Variants in ZNF544 observed in about 807,000 individuals in gnomAD.
ZNF544 encodes zinc finger protein 544, also known as zinc finger protein AF020591.
ZNF544 carries 10 observed loss-of-function variants against 13.5 expected under a neutral mutation model. The observed-to-expected ratio is 0.74, with a 90% CI of 0.46 to 1.25. The LOEUF (loss-of-function observed/expected upper bound fraction) is 1.25, where lower values mean the gene tolerates loss of function less well. Among genes scored for constraint, ZNF544 ranks in the 50% most tolerant of loss-of-function variants. The probability of loss-of-function intolerance (pLI) is 0.00; values close to 1 mark genes in which losing one functional copy is unlikely to be tolerated. For synonymous variants in ZNF544, 323 were observed against 300.5 expected (o/e 1.07, Z -0.77); for missense variants, 896 against 845.6 (o/e 1.06, Z -0.74).
At chr19:58,268,951 A>T (rs1176698686), downstream of ZNF544, among the ~76,000 whole-genome samples, 1 of 152,186 alleles carries the variant, frequency 6.6e-6, no homozygotes, top group African/African-American at 2.4e-5. Context: ...TTATTTTTTA[A>T]CACTTATGAT....
chr19:58,229,247 T>C (rs2040610138), intron 1 of ZNF544: 1 of 129,810 alleles, frequency 7.7e-6, no homozygotes, highest in Non-Finnish European at 1.6e-5. Context: ...GAACTTATAG[T>C]ACCTCGCAGG....
intron 4 of ZNF544, among the ~76,000 whole-genome samples, chr19:58,244,470 G>A (rs1250718219): frequency 6.6e-6 from 1 of 152,062 alleles, no homozygotes; most frequent in Admixed American, 6.6e-5. Flanking sequence ...CCCTGTAAAT[G>A]GTGAGGGCCC....
At chr19:58,231,851 T>C (rs2041293577) in intron 3 of ZNF544, 2 of 152,122 alleles carry the variant, frequency 1.3e-5, no homozygotes, top group African/African-American at 4.8e-5. Context: ...TTTTGTTTTG[T>C]TTTTTTCTTG....
Position 58,271,616 on chromosome 19 carries a change from G to T in ZNF544, c.245-4707G>T, listed in dbSNP as rs569458688. 1.2e-4 allele frequency among the ~76,000 whole-genome samples: 18 copies of T among 152,062 alleles called. No homozygotes were observed. In the South Asian group the frequency reaches 2.5e-3, roughly 21 times the overall value. On this transcript the variant is annotated intron_variant, in intron 5 of 6. Coordinates refer to the ZNF544 transcript ENST00000595981. ...GACCCTATCTCAAAAAAAAAGTGAT[G>T]TCGGGAGGCTGAGAGGATGAGTGAC...
chr19:58,267,874 G>A (rs1172465055), downstream of ZNF544, among the ~76,000 whole-genome samples: 10 of 151,036 alleles, frequency 6.6e-5, no homozygotes, highest in African/African-American at 2.2e-4. Flanking sequence ...CCAGCTACTC[G>A]GGAGGCTGAG....
chr19:58,243,997 A>G lies in ZNF544; in HGVS notation c.-27A>G. ...TTCTGAGGACCTCTGCCCTCTACACAGCGGCCTCTTCAGGTGCAGGGAGGA... is the reference window on the plus strand; with the variant it reads ...TTCTGAGGACCTCTGCCCTCTACACGGCGGCCTCTTCAGGTGCAGGGAGGA... On this transcript the variant is annotated 5_prime_UTR_variant, in exon 4 of 7. Transcript: ENST00000687789. 1 of 1,604,006 alleles carries G rather than the reference A, an allele frequency of 6.2e-7. No homozygotes were observed. Among genetic ancestry groups the G allele is most frequent in the Non-Finnish European group, 8.5e-7 (1 of 1,175,064 alleles).
chr19:58,246,593 T>G, intron 5 of ZNF544, 118 bp from the exon 6 acceptor site: 1 of 1,461,606 alleles, frequency 6.8e-7, no homozygotes, highest in Non-Finnish European at 9.3e-7. Context: ...GGTTTGTGAC[T>G]TGTAGTCCTA....
rs1471698 is a variant in ZNF544, at chr19:58,243,303, C to T, written c.-59-662C>T. Reference sequence around the variant, plus strand: ...GCCTGCAGAGGGTGTGCTTCAGTGCCGATGTGGCGATGGGAGTCAGATGTG... The same window carrying T: ...GCCTGCAGAGGGTGTGCTTCAGTGCTGATGTGGCGATGGGAGTCAGATGTG... On this transcript the variant is annotated intron_variant, in intron 3 of 6. Coordinates refer to ENST00000687789, the MANE Select transcript of ZNF544 (RefSeq NM_014480.4). Among the ~76,000 whole-genome samples, 681 of 151,946 alleles carry T rather than the reference C, an allele frequency of 4.5e-3. 3 individuals are homozygous for T. Among genetic ancestry groups the T allele is most frequent in the Non-Finnish European group, 8.1e-3 (551 of 67,946 alleles).
chr19:58,231,931 C>T (rs2041317831), intron 3 of ZNF544: 1 of 152,024 alleles, frequency 6.6e-6, no homozygotes, highest in African/African-American at 2.4e-5. Flanking sequence ...GTCTCCGCCT[C>T]CTGGGTTCAA....
Position 58,262,904 on chromosome 19 carries a change from A to G in ZNF544, c.*150A>G. On this transcript the variant is annotated 3_prime_UTR_variant, in exon 7 of 7. Transcript: ENST00000687789. ...ACATCAGAGGACATATCCTGGAGAAAAGCCCTACGAATGCATTGATTGTGG... is the reference window on the plus strand; with the variant it reads ...ACATCAGAGGACATATCCTGGAGAAGAGCCCTACGAATGCATTGATTGTGG... 2 of 1,465,854 alleles carry G rather than the reference A, an allele frequency of 1.4e-6. No individual in the cohort carries two copies. Among genetic ancestry groups the G allele is most frequent in the Non-Finnish European group, 1.8e-6 (2 of 1,115,708 alleles). 90.8% of individuals were successfully genotyped at this position (1,465,854 alleles called of 1,614,324 possible). A position where few individuals can be genotyped will look rare whatever the true frequency, so the allele number is the denominator to read the frequency against.
intron 4 of ZNF544, 38 bp from the exon 5 acceptor site, chr19:58,246,263 C>T (rs549642955): frequency 1.9e-6 from 3 of 1,613,232 alleles, no homozygotes; most frequent in African/African-American, 1.3e-5. Context: ...GGCATGAGGA[C>T]CTGGGGTCTC....
intron 6 of ZNF544, among the ~76,000 whole-genome samples, chr19:58,251,623 C>T (rs866516130): frequency 1.3e-5 from 2 of 152,222 alleles, no homozygotes; most frequent in South Asian, 4.1e-4. Context: ...CTGAAATAAT[C>T]CCAGGTTAAC....
At chr19:58,246,935 A>G in intron 6 of ZNF544, 141 bp downstream of exon 6, 1 of 662,678 alleles carries the variant, frequency 1.5e-6, no homozygotes. Context: ...TCACCCATTC[A>G]AAGGAGTTCA....
At chr19:58,236,558 G>T (rs2146613178) in intron 3 of ZNF544, among the ~76,000 whole-genome samples, 1 of 151,386 alleles carries the variant, frequency 6.6e-6, no homozygotes, top group South Asian at 2.1e-4. Flanking sequence ...CCATCATTTT[G>T]AGATATATAC....
At chr19:58,256,205 C>T (rs2047319009) in intron 6 of ZNF544, among the ~76,000 whole-genome samples, 1 of 151,892 alleles carries the variant, frequency 6.6e-6, no homozygotes, top group Non-Finnish European at 1.5e-5. Context: ...AAACCTCGAG[C>T]CTACCTCCTG....
At chr19:58,257,212 C>G (rs911865515) in intron 6 of ZNF544, 9 of 152,234 alleles carry the variant, frequency 5.9e-5, no homozygotes, top group African/African-American at 2.2e-4. Flanking sequence ...TGAGCCACCA[C>G]GCCTGGCTGG....
chr19:58,232,021 T>TTA (rs1193500543), intron 3 of ZNF544, among the ~76,000 whole-genome samples: 1 of 151,834 alleles, frequency 6.6e-6, no homozygotes, highest in African/African-American at 2.4e-5. Context: ...TTTTTTTTTT[T>TTA]AGTATAGACA....
intron 3 of ZNF544, among the ~76,000 whole-genome samples, chr19:58,242,466 G>A (rs754619213): frequency 1.3e-5 from 2 of 151,588 alleles, no homozygotes; most frequent in South Asian, 2.1e-4. Flanking sequence ...AGTGTTCAGC[G>A]TCTGCAGGGG....
chr19:58,239,460 T>C (rs1372484629), intron 3 of ZNF544, among the ~76,000 whole-genome samples: 1 of 152,184 alleles, frequency 6.6e-6, no homozygotes, highest in East Asian at 1.9e-4. Flanking sequence ...TTTCTTGAAA[T>C]TCCTGAAGGC....
Sources: gnomAD v4.1 joint callset for allele counts (sites outside exome capture counted in the v4.1 genomes callset) on GRCh38, gnomAD v4.1.1 for gene constraint, MANE v1.5 for transcripts, NCBI Gene and HGNC (gene_info 2026-07-23, HGNC 2026-07-21) for gene names.